CTTNBP2: variants seen among roughly 807,000 people sequenced by gnomAD.
CTTNBP2 encodes the protein cortactin-binding protein 2.
A neutral mutation model predicts 156.9 loss-of-function variants in CTTNBP2; 108 were observed. The ratio of observed to expected loss-of-function variants is 0.69; its 90% CI spans 0.59 to 0.81. The LOEUF is 0.81. CTTNBP2 is among the 30% of genes least tolerant of loss of function. The pLI is 0.00. For synonymous variants in CTTNBP2, 767 were observed against 751.8 expected (o/e 1.02, Z -0.33); for missense variants, 1,924 against 2,035.4 (o/e 0.95, Z 1.05).
intron 2 of CTTNBP2, among the ~76,000 whole-genome samples, chr7:117,817,361 A>ATAAATAAATATATATAT (rs1298639361): frequency 1.9e-5 from 1 of 53,286 alleles, no homozygotes; most frequent in Non-Finnish European, 3.4e-5. Flanking sequence ...AAAAAAAAAA[A>ATAAATAAATATATATAT]ATATATATAT....
intron 12 of CTTNBP2, among the ~76,000 whole-genome samples, chr7:117,749,741 G>A (rs1436088839): frequency 2.0e-5 from 3 of 152,026 alleles, no homozygotes; most frequent in African/African-American, 7.2e-5. Flanking sequence ...AGATGGTAGA[G>A]GAAGGATGAT....
At chr7:117,714,841 C>T (rs554987806) in intron 22 of CTTNBP2, among the ~76,000 whole-genome samples, 1 of 152,270 alleles carries the variant, frequency 6.6e-6, no homozygotes, top group South Asian at 2.1e-4. Flanking sequence ...GAAAAGTGCT[C>T]CTGACACCCT....
intron 20 of CTTNBP2, among the ~76,000 whole-genome samples, chr7:117,720,056 C>T (rs569009094): frequency 6.6e-6 from 1 of 152,292 alleles, no homozygotes; most frequent in East Asian, 1.9e-4. Flanking sequence ...CCTGGGTTCC[C>T]TTTTCTGTAA....
intron 2 of CTTNBP2, among the ~76,000 whole-genome samples, chr7:117,846,437 C>G (rs1026388155): frequency 5.3e-5 from 8 of 151,798 alleles, no homozygotes; most frequent in African/African-American, 1.7e-4. Flanking sequence ...ATATATATTT[C>G]CATTAAGAAA....
At position 117,782,875 on chromosome 7, in the gene CTTNBP2, G is replaced by A. The variant is rs1798507935; in HGVS notation, c.2359C>T (p.Gln787Ter). 1 of 1,612,966 alleles carries A rather than the reference G, an allele frequency of 6.2e-7. No homozygotes were observed. The highest frequency in any genetic ancestry group is 8.5e-7 in the Non-Finnish European group (1 of 1,179,218). ...AGAGCAACTTACTCGAAATGTCCCT[G>A]AGCAGCTGCAGCACACAAGGGTGTG... is the stretch of plus-strand genomic sequence containing the variant. ...GFTPLCAAAA[Q>*]GHFECVELLI... The change falls in exon 6 of 23, where the codon CAG (glutamine) becomes TAG (stop). Residue 787 changes from glutamine (Q) to a stop codon, truncating the protein, a stop_gained. Coordinates refer to ENST00000160373, the MANE Select transcript of CTTNBP2 (RefSeq NM_033427.3). LOFTEE classifies it high-confidence loss of function.
chr7:117,794,321 C>G (rs568908123), intron 3 of CTTNBP2, among the ~76,000 whole-genome samples: 1 of 152,278 alleles, frequency 6.6e-6, no homozygotes. Flanking sequence ...GGCCTACATG[C>G]CTCACTTCCC....
intron 15 of CTTNBP2, 21 bp from the exon 16 acceptor site, chr7:117,735,121 A>G: frequency 6.2e-7 from 1 of 1,607,864 alleles, no homozygotes; most frequent in Non-Finnish European, 8.5e-7. Context: ...CCAAAAAGCA[A>G]TGGCCCATCC....
intron 2 of CTTNBP2, among the ~76,000 whole-genome samples, chr7:117,857,664 A>G (rs1015781857): frequency 6.6e-6 from 1 of 152,002 alleles, no homozygotes; most frequent in East Asian, 1.9e-4. Flanking sequence ...ACTATTTACT[A>G]TTTTCAGAGG....
At chr7:117,781,732 G>A (rs1238528177) in intron 6 of CTTNBP2, among the ~76,000 whole-genome samples, 2 of 152,152 alleles carry the variant, frequency 1.3e-5, no homozygotes, top group African/African-American at 4.8e-5. Context: ...GCAAGACTCC[G>A]TCTAAAAGAA....
chr7:117,734,794 T>G, intron 16 of CTTNBP2, 119 bp downstream of exon 16: 1 of 682,350 alleles, frequency 1.5e-6, no homozygotes, highest in Non-Finnish European at 2.3e-6. Context: ...CCCTTGAATG[T>G]CAAAAAGCTG....
chr7:117,718,587 A>C (rs1031239599), intron 21 of CTTNBP2, among the ~76,000 whole-genome samples: 2 of 152,218 alleles, frequency 1.3e-5, no homozygotes, highest in African/African-American at 4.8e-5. Context: ...GCATCTATCA[A>C]GGCAGCTCGG....
intron 2 of CTTNBP2, 78 bp downstream of exon 2, chr7:117,861,131 G>A: frequency 1.2e-6 from 1 of 815,964 alleles, no homozygotes; most frequent in Non-Finnish European, 2.0e-6. Context: ...CAAAAATTAA[G>A]AAAAAGAAGG....
chr7:117,787,915 T>G (rs1229370609), intron 4 of CTTNBP2, among the ~76,000 whole-genome samples: 1 of 152,022 alleles, frequency 6.6e-6, no homozygotes, highest in Non-Finnish European at 1.5e-5. Flanking sequence ...GAGGGAGAGG[T>G]AGTTTGAAAA....
chr7:117,777,773 T>C lies in CTTNBP2; in HGVS notation c.2524-8A>G. 6.2e-7 allele frequency: 1 copy of C among 1,600,894 alleles called. No individual in the cohort carries two copies. Among genetic ancestry groups the C allele is most frequent in the Non-Finnish European group, 8.5e-7 (1 of 1,170,586 alleles). On this transcript the variant is annotated splice_polypyrimidine_tract_variant and splice_region_variant and intron_variant, in intron 7 of 22. Transcript: ENST00000160373. ...AACTGGTGTCCAGCCATCCTGAAAA[T>C]AAAATGACCAGGGGGAAAGGGTTGA...
intron 2 of CTTNBP2, among the ~76,000 whole-genome samples, chr7:117,830,688 C>T (rs1458001001): frequency 6.6e-6 from 1 of 152,160 alleles, no homozygotes; most frequent in East Asian, 1.9e-4. Flanking sequence ...GTTTTGCAAC[C>T]CTGTTTGACT....
chr7:117,840,804 T>TA (rs1480944782), intron 2 of CTTNBP2, among the ~76,000 whole-genome samples: 2 of 152,140 alleles, frequency 1.3e-5, no homozygotes, highest in Non-Finnish European at 2.9e-5. Flanking sequence ...GTTCATCCTC[T>TA]CATGAGGGAC....
At chr7:117,796,359 A>G (rs985124112) in intron 3 of CTTNBP2, among the ~76,000 whole-genome samples, 2 of 152,238 alleles carry the variant, frequency 1.3e-5, no homozygotes, top group African/African-American at 4.8e-5. Context: ...ATTTCAGCTC[A>G]GAGACAAACT....
intron 4 of CTTNBP2, among the ~76,000 whole-genome samples, chr7:117,790,475 C>T (rs748396223): frequency 6.6e-6 from 1 of 152,124 alleles, no homozygotes; most frequent in Non-Finnish European, 1.5e-5. Context: ...ACATAGCCCA[C>T]ATGCTATGTT....
chr7:117,749,256 A>T (rs547254740), intron 12 of CTTNBP2, among the ~76,000 whole-genome samples: 1 of 152,312 alleles, frequency 6.6e-6, no homozygotes, highest in African/African-American at 2.4e-5. Context: ...TTTGCAGGAA[A>T]CCAGGATGTG....
Sources: gnomAD v4.1 joint callset for allele counts (sites outside exome capture counted in the v4.1 genomes callset) on GRCh38, gnomAD v4.1.1 for gene constraint, MANE v1.5 for transcripts, NCBI Gene and HGNC (gene_info 2026-07-23, HGNC 2026-07-21) for gene names.